Variants in STK17A observed in about 807,000 individuals in gnomAD.
STK17A encodes serine/threonine-protein kinase 17A.
A neutral mutation model predicts 43.7 loss-of-function variants in STK17A; 26 were observed. That is an observed-to-expected ratio of 0.60 (90% CI 0.44 to 0.83). The LOEUF is 0.83. STK17A is among the 40% of genes least tolerant of loss of function. The pLI is 0.00. For missense variants in STK17A, 476 were observed against 511.6 expected (o/e 0.93, Z 0.67); for synonymous variants, 191 against 182.5 (o/e 1.05, Z -0.38).
intron 6 of STK17A, 70 bp downstream of exon 6, chr7:43,623,958 A>T: frequency 2.6e-6 from 3 of 1,157,430 alleles, no homozygotes; most frequent in South Asian, 2.9e-5. Flanking sequence ...TAAAAAACTG[A>T]CAGTTTTTTC....
At chr7:43,591,809 A>G (rs1167587375) in intron 1 of STK17A, among the ~76,000 whole-genome samples, 1 of 151,490 alleles carries the variant, frequency 6.6e-6, no homozygotes, top group Non-Finnish European at 1.5e-5. Flanking sequence ...CTAGGTTTTG[A>G]TCTTTCATTC....
intron 3 of STK17A, among the ~76,000 whole-genome samples, chr7:43,613,288 T>C (rs2083046812): frequency 1.3e-5 from 2 of 152,182 alleles, no homozygotes; most frequent in Admixed American, 1.3e-4. Flanking sequence ...CCCCACCAAG[T>C]ATTTCATTGA....
rs1554477999 is a variant in STK17A at position 43,589,937 on chromosome 7, A to AATTTAATTTT, written c.207-5960_207-5959insAATTTTATTT. Among the ~76,000 whole-genome samples the AATTTAATTTT allele has an allele frequency of 2.7e-3, 281 of 103,858 alleles. 10 individuals carry two copies. The highest frequency in any genetic ancestry group is 9.4e-3 in the Middle Eastern group (2 of 212). The allele number at this position is 103,858 out of a possible 152,430, so 68.1% of individuals were successfully genotyped here. A position where few individuals can be genotyped will look rare whatever the true frequency, so the allele number is the denominator to read the frequency against. On this transcript the variant is annotated intron_variant, in intron 1 of 6. Transcript: ENST00000319357. ...TTTAATTTTATTTAATTTTAATTTT[A>AATTTAATTTT]ATTTTATTTTATTTTATTTTATTTT...
intron 3 of STK17A, 102 bp from the exon 4 acceptor site, chr7:43,619,495 C>T: frequency 1.4e-6 from 2 of 1,390,376 alleles, no homozygotes; most frequent in Non-Finnish European, 9.8e-7. Flanking sequence ...CTGTTAAATT[C>T]CTCAGTCTCA....
chr7:43,615,705 C>A (rs2083281471), intron 3 of STK17A, among the ~76,000 whole-genome samples: 2 of 152,140 alleles, frequency 1.3e-5, no homozygotes, highest in Non-Finnish European at 2.9e-5. Context: ...TCCCACCACT[C>A]GTACCCCTTT....
Position 43,595,950 on chromosome 7 carries a change from G to T in STK17A, c.256G>T (p.Glu86Ter). ...RKCIKKDSGK[E>*]FAAKFMRKRR... ...ATGTATAAAGAAAGATTCTGGGAAA[G>T]AATTTGCTGCAAAGTTCATGAGAAA... Residue 86 changes from glutamate to a stop codon, truncating the protein, a stop_gained, in exon 2 of 7, where the codon GAA becomes TAA. Transcript: ENST00000319357. LOFTEE classifies it high-confidence loss of function. The T allele has an allele frequency of 1.2e-6, 2 of 1,613,884 alleles. No homozygotes were observed. The highest frequency in any genetic ancestry group is 2.7e-5 in the African/African-American group (2 of 75,038).
In STK17A at chr7:43,623,521, T is replaced by C. The variant is rs773488358; in HGVS notation, c.692-51T>C. 5.2e-6 allele frequency: 8 copies of C among 1,528,812 alleles called. No individual in the cohort carries two copies. The African/African-American group carries it at 9.7e-5, about 18-fold the overall frequency. 94.7% of individuals were successfully genotyped at this position (1,528,812 alleles called of 1,614,324 possible). On this transcript the variant is annotated intron_variant, in intron 4 of 6. Transcript: ENST00000319357. ...TAGTTTTTTATCTCTTAGAGCAAATTAGGAATTTTTTTCCACAAAACTAAA... is the reference window on the plus strand; with the variant it reads ...TAGTTTTTTATCTCTTAGAGCAAATCAGGAATTTTTTTCCACAAAACTAAA...
chr7:43,585,035 A>T (rs2082429037), intron 1 of STK17A, among the ~76,000 whole-genome samples: 1 of 152,154 alleles, frequency 6.6e-6, no homozygotes, highest in Non-Finnish European at 1.5e-5. Flanking sequence ...CGTCTGTACC[A>T]AAAATACAAT....
intron 3 of STK17A, among the ~76,000 whole-genome samples, chr7:43,612,712 T>A (rs2082984690): frequency 6.6e-6 from 1 of 152,172 alleles, no homozygotes; most frequent in Non-Finnish European, 1.5e-5. Context: ...AATACACTGC[T>A]TAGCTTTGGT....
intron 2 of STK17A, among the ~76,000 whole-genome samples, chr7:43,604,914 A>G (rs1377021393): frequency 6.6e-6 from 1 of 151,708 alleles, no homozygotes; most frequent in Admixed American, 6.6e-5. Flanking sequence ...TTGACAGCTT[A>G]TTTTGCTGCA....
At chr7:43,618,891 A>G (rs1215909378) in intron 3 of STK17A, among the ~76,000 whole-genome samples, 1 of 152,152 alleles carries the variant, frequency 6.6e-6, no homozygotes, top group Non-Finnish European at 1.5e-5. Context: ...GAAGTAGATG[A>G]AATCGCTCCA....
In STK17A at chr7:43,624,825, G is replaced by T; in HGVS notation, c.1228G>T (p.Gly410Ter). ...FEEPLLQEIP[G>*]EFIY is the part of the protein sequence containing the mutation. ...GGAACCTTTGCTACAAGAAATTCCA[G>T]GAGAATTTATCTACTGAGCAATATT... The change falls in exon 7 of 7, where the codon GGA becomes TGA. Residue 410 changes from glycine (G) to a stop codon, truncating the protein, a stop_gained. Coordinates refer to ENST00000319357, the MANE Select transcript of STK17A (RefSeq NM_004760.3). LOFTEE classifies it high-confidence loss of function. 6.2e-7 allele frequency: 1 copy of T among 1,601,196 alleles called. No individual in the cohort carries two copies. The highest frequency in any genetic ancestry group is 8.5e-7 in the Non-Finnish European group (1 of 1,173,214).
chr7:43,606,866 A>G (rs1027536808), intron 2 of STK17A, among the ~76,000 whole-genome samples: 4 of 147,560 alleles, frequency 2.7e-5, no homozygotes, highest in African/African-American at 1.0e-4. Context: ...TTTTTTTTTG[A>G]GAGGAATGAA....
chr7:43,599,690 G>T (rs1024345651), intron 2 of STK17A, among the ~76,000 whole-genome samples: 2 of 152,202 alleles, frequency 1.3e-5, no homozygotes, highest in African/African-American at 4.8e-5. Context: ...TAGGAAACTG[G>T]CTTATGTGCT....
chr7:43,613,502 G>A (rs1055783793), intron 3 of STK17A, among the ~76,000 whole-genome samples: 1 of 152,094 alleles, frequency 6.6e-6, no homozygotes, highest in African/African-American at 2.4e-5. Context: ...ACTATACTAG[G>A]ATTCTATCAC....
intron 1 of STK17A, among the ~76,000 whole-genome samples, chr7:43,584,888 C>A (rs1235411410): frequency 1.3e-5 from 2 of 152,172 alleles, no homozygotes; most frequent in Non-Finnish European, 1.5e-5. Flanking sequence ...TCTGAAGTAA[C>A]CCCTATTACC....
chr7:43,593,029 A>T (rs1323368279), intron 1 of STK17A, among the ~76,000 whole-genome samples: 1 of 152,238 alleles, frequency 6.6e-6, no homozygotes, highest in Non-Finnish European at 1.5e-5. Flanking sequence ...CATCACCTAA[A>T]TAGCGTACAT....
chr7:43,619,782 T>C, intron 4 of STK17A, 59 bp downstream of exon 4: 1 of 1,587,024 alleles, frequency 6.3e-7, no homozygotes, highest in Non-Finnish European at 8.6e-7. Context: ...ATTAGGGGAC[T>C]TGTCCATGTG....
At position 43,583,152 on chromosome 7, in the gene STK17A, C is replaced by A. The variant is rs964822929; in HGVS notation, c.-92C>A. 2 of 1,398,962 alleles carry A rather than the reference C, an allele frequency of 1.4e-6. No individual in the cohort carries two copies. Among genetic ancestry groups the A allele is most frequent in the East Asian group, 3.0e-5 (1 of 33,636 alleles). 86.7% of individuals were successfully genotyped at this position (1,398,962 alleles called of 1,614,324 possible). On this transcript the variant is annotated 5_prime_UTR_variant, in exon 1 of 7. Coordinates refer to ENST00000319357, the MANE Select transcript of STK17A (RefSeq NM_004760.3). Reference sequence around the variant, plus strand: ...GGGGAGAGCGGGTGTTTGAAGGCTCCGCGGACCGGCACTAGGAGCCGGGGG... The same window carrying A: ...GGGGAGAGCGGGTGTTTGAAGGCTCAGCGGACCGGCACTAGGAGCCGGGGG...
Sources: gnomAD v4.1 joint callset for allele counts (sites outside exome capture counted in the v4.1 genomes callset) on GRCh38, gnomAD v4.1.1 for gene constraint, MANE v1.5 for transcripts, NCBI Gene and HGNC (gene_info 2026-07-23, HGNC 2026-07-21) for gene names.